SGCZ: variants seen among roughly 807,000 people sequenced by gnomAD.
The protein encoded by SGCZ is zeta-sarcoglycan.
A neutral mutation model predicts 41.3 loss-of-function variants in SGCZ; 40 were observed. The observed-to-expected ratio is 0.97, with a 90% CI of 0.75 to 1.26. The LOEUF is 1.26. Among genes scored for constraint, SGCZ ranks in the 50% most tolerant of loss-of-function variants. The probability of loss-of-function intolerance (pLI) is 0.00; values close to 1 mark genes in which losing one functional copy is unlikely to be tolerated. For synonymous variants in SGCZ, 206 were observed against 137.5 expected, an observed-to-expected ratio of 1.50 and a Z score of -3.49; for missense variants, 552 against 369.8, an observed-to-expected ratio of 1.49 and a Z score of -4.04.
chr8:14,209,183 G>T (rs147353731), intron 4 of SGCZ, among the ~76,000 whole-genome samples: 1 of 152,314 alleles, frequency 6.6e-6, no homozygotes, highest in African/African-American at 2.4e-5. Flanking sequence ...AGAACGTTAT[G>T]TAAACGTCAC....
intron 1 of SGCZ, among the ~76,000 whole-genome samples, chr8:15,210,995 C>T (rs1208451099): frequency 6.6e-6 from 1 of 150,674 alleles, no homozygotes; most frequent in African/African-American, 2.4e-5. Flanking sequence ...CCTGCAACAC[C>T]CAGGCTTCTC....
chr8:14,414,240 T>C (rs1474442428), intron 2 of SGCZ, among the ~76,000 whole-genome samples: 1 of 151,742 alleles, frequency 6.6e-6, no homozygotes, highest in Non-Finnish European at 1.5e-5. Flanking sequence ...GAGACATCTT[T>C]TAAAGCAAAA....
intron 5 of SGCZ, among the ~76,000 whole-genome samples, chr8:14,136,028 G>A (rs368528535): frequency 4.4e-4 from 67 of 152,184 alleles, no homozygotes; most frequent in African/African-American, 8.9e-4. Context: ...GTATAAAGCC[G>A]AAAAACTATA....
intron 1 of SGCZ, among the ~76,000 whole-genome samples, chr8:15,178,537 T>G (rs268352): frequency 0.16 from 23,688 of 152,180 alleles, 2,036 homozygotes; most frequent in African/African-American, 0.21. Flanking sequence ...CTGTGCCCCT[T>G]ATTCTTTGTT....
At chr8:14,596,905 A>G (rs1188900437) in intron 1 of SGCZ, among the ~76,000 whole-genome samples, 1 of 152,180 alleles carries the variant, frequency 6.6e-6, no homozygotes, top group East Asian at 1.9e-4. Context: ...GTTAAAAATA[A>G]ATAACTGAAA....
At chr8:14,895,195 C>T (rs1217237669) in intron 1 of SGCZ, among the ~76,000 whole-genome samples, 1 of 152,058 alleles carries the variant, frequency 6.6e-6, no homozygotes, top group Non-Finnish European at 1.5e-5. Flanking sequence ...ACAGTTGTTG[C>T]CAACTAGTTG....
intron 1 of SGCZ, among the ~76,000 whole-genome samples, chr8:14,671,777 C>G (rs550177694): frequency 1.2e-4 from 18 of 152,030 alleles, no homozygotes; most frequent in Non-Finnish European, 1.9e-4. Context: ...AAATAACAAA[C>G]AAAACAATTT....
intron 2 of SGCZ, among the ~76,000 whole-genome samples, chr8:14,470,853 GTTC>G (rs1801194727): frequency 6.6e-6 from 1 of 152,086 alleles, no homozygotes; most frequent in African/African-American, 2.4e-5. Flanking sequence ...AAAATAGGCA[GTTC>G]TTTGTGTATT....
rs1322975422 is a variant in SGCZ at position 14,087,187 on chromosome 8, T to C, written c.*3256A>G. Among the ~76,000 whole-genome samples, 6 of 151,562 alleles carry C rather than the reference T, an allele frequency of 4.0e-5. No individual in the cohort carries two copies. The highest frequency in any genetic ancestry group is 2.0e-4 in the Admixed American group (3 of 15,128). Reference sequence around the variant, plus strand: ...CATATCATTCACAATAAAATATATATATTTTAGACATAAATGTGTGTATGT... The same window carrying C: ...CATATCATTCACAATAAAATATATACATTTTAGACATAAATGTGTGTATGT... On this transcript the variant is annotated 3_prime_UTR_variant, in exon 8 of 8. Coordinates refer to ENST00000382080, the MANE Select transcript of SGCZ (RefSeq NM_139167.4).
At chr8:14,635,590 A>G (rs1353331092) in intron 1 of SGCZ, among the ~76,000 whole-genome samples, 1 of 151,846 alleles carries the variant, frequency 6.6e-6, no homozygotes, top group Non-Finnish European at 1.5e-5. Flanking sequence ...TGCTGCTCTG[A>G]GTAGCAGGTA....
At chr8:14,261,658 A>G (rs538308384) in intron 3 of SGCZ, among the ~76,000 whole-genome samples, 1 of 152,282 alleles carries the variant, frequency 6.6e-6, no homozygotes, top group East Asian at 1.9e-4. Context: ...TTGACCAAAG[A>G]GTAACGTTGA....
chr8:14,297,606 AT>A (rs1801058339), intron 3 of SGCZ, among the ~76,000 whole-genome samples: 1 of 151,978 alleles, frequency 6.6e-6, no homozygotes, highest in South Asian at 2.1e-4. Context: ...ATAATAGGAG[AT>A]ATTATAAAGA....
chr8:14,595,875 G>T (rs181709833), intron 1 of SGCZ, among the ~76,000 whole-genome samples: 1 of 152,170 alleles, frequency 6.6e-6, no homozygotes, highest in Admixed American at 6.5e-5. Flanking sequence ...CAATTTCCTG[G>T]ACTCTATGTC....
chr8:15,056,303 G>C (rs928636598), intron 1 of SGCZ, among the ~76,000 whole-genome samples: 2 of 152,156 alleles, frequency 1.3e-5, no homozygotes, highest in African/African-American at 4.8e-5. Context: ...GAACTGATCT[G>C]AGAGGAATAT....
chr8:14,391,137 TA>T (rs1217197052), intron 2 of SGCZ, among the ~76,000 whole-genome samples: 1 of 152,148 alleles, frequency 6.6e-6, no homozygotes, highest in African/African-American at 2.4e-5. Flanking sequence ...ATTAAGGCTC[TA>T]GGGGTGATCT....
intron 1 of SGCZ, among the ~76,000 whole-genome samples, chr8:14,746,709 G>A (rs965805332): frequency 6.6e-6 from 1 of 152,166 alleles, no homozygotes; most frequent in East Asian, 1.9e-4. Flanking sequence ...ATTATATGGT[G>A]ACTCCTAAGT....
At chr8:14,449,427 G>A (rs1025880693) in intron 2 of SGCZ, among the ~76,000 whole-genome samples, 1 of 152,068 alleles carries the variant, frequency 6.6e-6, no homozygotes, top group African/African-American at 2.4e-5. Flanking sequence ...CTGATTTTGG[G>A]GTGGGATGAA....
chr8:14,504,971 G>C (rs906602538), intron 2 of SGCZ, among the ~76,000 whole-genome samples: 2 of 152,036 alleles, frequency 1.3e-5, no homozygotes, highest in Non-Finnish European at 2.9e-5. Context: ...TGAACTGTCT[G>C]TTGCATTGCT....
At chr8:14,094,762 A>G (rs1801792027) in intron 7 of SGCZ, among the ~76,000 whole-genome samples, 2 of 152,186 alleles carry the variant, frequency 1.3e-5, no homozygotes, top group African/African-American at 4.8e-5. Flanking sequence ...ACAGTGTAAA[A>G]GCATTCCTAT....
Sources: allele counts gnomAD v4.1 joint callset (sites outside exome capture counted in the v4.1 genomes callset), GRCh38; gene constraint gnomAD v4.1.1; transcripts MANE v1.5; gene names NCBI Gene and HGNC (gene_info 2026-07-23, HGNC 2026-07-21).